DAB1: variants seen among roughly 807,000 people sequenced by gnomAD.
The protein encoded by DAB1 is DAB adaptor protein 1, also known as disabled homolog 1.
Under a neutral mutation model 64.6 loss-of-function variants are expected in DAB1, and 15 were observed. The ratio of observed to expected loss-of-function variants is 0.23; its 90% CI spans 0.16 to 0.36. The LOEUF is 0.36. Among genes scored for constraint, DAB1 ranks in the 10% least tolerant of loss-of-function variants. The pLI is 1.00. For missense variants in DAB1, 596 were observed against 706.7 expected (o/e 0.84, Z 1.78); for synonymous variants, 235 against 251.9 (o/e 0.93, Z 0.64).
intron 2 of DAB1, among the ~76,000 whole-genome samples, chr1:58,521,785 G>A (rs1215233988): frequency 6.6e-6 from 1 of 152,052 alleles, no homozygotes. Flanking sequence ...AACTCATGAA[G>A]AAATCTTCAG....
At chr1:57,036,231 T>A (rs893872798) in intron 9 of DAB1, among the ~76,000 whole-genome samples, 4 of 152,160 alleles carry the variant, frequency 2.6e-5, no homozygotes, top group African/African-American at 9.7e-5. Context: ...AGCCCAACAC[T>A]TCCTAGACCT....
At chr1:58,491,712 T>G (rs966925358) in intron 3 of DAB1, among the ~76,000 whole-genome samples, 41 of 152,264 alleles carry the variant, frequency 2.7e-4, no homozygotes, top group African/African-American at 9.6e-4. Flanking sequence ...CAAGAAGAGC[T>G]AACTATCCTA....
At chr1:57,377,762 C>T (rs899426321) in intron 1 of DAB1, among the ~76,000 whole-genome samples, 10 of 152,092 alleles carry the variant, frequency 6.6e-5, no homozygotes, top group African/African-American at 2.4e-4. Flanking sequence ...ATAAAGGGAC[C>T]GTCTGCAAAG....
In DAB1 at chr1:57,807,011, T is replaced by C. The variant is rs146310773; in HGVS notation, n.551+76988A>G. Among the ~76,000 whole-genome samples the C allele has an allele frequency of 6.3e-4, 96 of 152,262 alleles. 1 individual carries two copies. The highest frequency in any genetic ancestry group is 2.1e-3 in the African/African-American group (89 of 41,556). On this transcript the variant is annotated intron_variant and non_coding_transcript_variant, in intron 6 of 20. Transcript: ENST00000485760. ...AGCAAATGTTTGTTGAATGAGTAAA[T>C]GAATGAATGAACCTATGTGTGCTCT... is the stretch of plus-strand genomic sequence containing the variant.
At chr1:58,545,338 T>A (rs1646684114) in intron 1 of DAB1, among the ~76,000 whole-genome samples, 1 of 152,250 alleles carries the variant, frequency 6.6e-6, no homozygotes, top group African/African-American at 2.4e-5. Flanking sequence ...TACGCATATA[T>A]AATTAAAACC....
At chr1:58,543,503 G>A (rs1646654062) in intron 1 of DAB1, among the ~76,000 whole-genome samples, 1 of 151,978 alleles carries the variant, frequency 6.6e-6, no homozygotes, top group African/African-American at 2.4e-5. Flanking sequence ...TTATGGTGTT[G>A]ATCACTACCC....
chr1:57,893,199 G>A (rs1644343119), intron 5 of DAB1, among the ~76,000 whole-genome samples: 1 of 151,960 alleles, frequency 6.6e-6, no homozygotes, highest in Non-Finnish European at 1.5e-5. Context: ...TATTTCAGGG[G>A]CAGATATGAA....
intron 7 of DAB1, among the ~76,000 whole-genome samples, chr1:57,462,580 T>C (rs1421112236): frequency 1.3e-5 from 2 of 152,186 alleles, no homozygotes; most frequent in African/African-American, 2.4e-5. Flanking sequence ...AACTGCCAGG[T>C]GCTTTGCATG....
chr1:57,093,292 G>A (rs523285), intron 4 of DAB1, among the ~76,000 whole-genome samples: 1 of 152,062 alleles, frequency 6.6e-6, no homozygotes, highest in African/African-American at 2.4e-5. Flanking sequence ...CCTGGTCAGA[G>A]AGTGATACTC....
chr1:57,459,026 TTAAC>T (rs1686693988), intron 7 of DAB1, among the ~76,000 whole-genome samples: 1 of 152,146 alleles, frequency 6.6e-6, no homozygotes. Context: ...ATGAAAACCT[TTAAC>T]TGATCAAAGT....
At chr1:57,619,704 T>C (rs904523953) in intron 7 of DAB1, among the ~76,000 whole-genome samples, 1 of 152,160 alleles carries the variant, frequency 6.6e-6, no homozygotes, top group Non-Finnish European at 1.5e-5. Context: ...CCCTATTTTA[T>C]AGATAAAGAA....
intron 5 of DAB1, chr1:58,056,363 C>A: frequency 6.3e-7 from 1 of 1,589,148 alleles, no homozygotes. Flanking sequence ...TTTCGAATGA[C>A]GAATGTCTTA....
chr1:58,513,548 C>T (rs755080432), intron 2 of DAB1, among the ~76,000 whole-genome samples: 30 of 152,160 alleles, frequency 2.0e-4, no homozygotes, highest in Non-Finnish European at 3.8e-4. Flanking sequence ...TAATGGCTAC[C>T]GCTGGCCAGA....
At chr1:57,707,354 CTT>C (rs71051249) in intron 6 of DAB1, among the ~76,000 whole-genome samples, 26 of 141,728 alleles carry the variant, frequency 1.8e-4, no homozygotes, top group South Asian at 2.3e-4. Flanking sequence ...AAATAAGAAA[CTT>C]TTTTTTTTTT....
chr1:58,465,172 C>A (rs1031778361), intron 3 of DAB1, among the ~76,000 whole-genome samples: 1 of 152,204 alleles, frequency 6.6e-6, no homozygotes, highest in Non-Finnish European at 1.5e-5. Context: ...GCATGACAAG[C>A]TGTAAGCAAT....
At chr1:58,369,848 C>T (rs1324221235) in intron 3 of DAB1, among the ~76,000 whole-genome samples, 1 of 152,130 alleles carries the variant, frequency 6.6e-6, no homozygotes, top group African/African-American at 2.4e-5. Context: ...TTTTTCCCTT[C>T]AGTTAATCAG....
At chr1:58,151,038 CT>C (rs1654902607) in intron 4 of DAB1, among the ~76,000 whole-genome samples, 1 of 152,194 alleles carries the variant, frequency 6.6e-6, no homozygotes, top group South Asian at 2.1e-4. Context: ...TTTTTTATGG[CT>C]GCATAGTATT....
At position 58,108,606 on chromosome 1, in the gene DAB1, G is replaced by A. The variant is rs76016069; in HGVS notation, n.387+41905C>T. On this transcript the variant is annotated intron_variant and non_coding_transcript_variant, in intron 5 of 20. Coordinates refer to the DAB1 transcript ENST00000485760. ...ACCCACATCTTCAGAGATGGTGCCCGGGAATATGCATTTGAGAACCAGTGC... is the reference window on the plus strand; with the variant it reads ...ACCCACATCTTCAGAGATGGTGCCCAGGAATATGCATTTGAGAACCAGTGC... Among the ~76,000 whole-genome samples the A allele has an allele frequency of 1.0e-2, 1,522 of 152,266 alleles. 27 individuals carry two copies. The highest frequency in any genetic ancestry group is 0.035 in the African/African-American group (1,461 of 41,546).
intron 6 of DAB1, among the ~76,000 whole-genome samples, chr1:57,775,204 T>G (rs1649739465): frequency 6.6e-6 from 1 of 151,282 alleles, no homozygotes; most frequent in South Asian, 2.1e-4. Context: ...ATTGACCTTT[T>G]CCAAGAACCA....
Sources: allele counts gnomAD v4.1 joint callset (sites outside exome capture counted in the v4.1 genomes callset), GRCh38; gene constraint gnomAD v4.1.1; transcripts MANE v1.5; gene names NCBI Gene and HGNC (gene_info 2026-07-23, HGNC 2026-07-21).